Variants in IL12B observed in about 807,000 individuals in gnomAD.
IL12B encodes interleukin-12 subunit beta.
IL12B carries 27 observed loss-of-function variants against 39.2 expected under a neutral mutation model. The observed-to-expected ratio is 0.69, with a 90% CI of 0.51 to 0.95. IL12B has a LOEUF of 0.95. Among genes scored for constraint, IL12B ranks in the 40% least tolerant of loss-of-function variants. IL12B has a pLI of 0.00. For synonymous variants in IL12B, 142 were observed against 152.1 expected (o/e 0.93, Z 0.49); for missense variants, 351 against 397.6 (o/e 0.88, Z 1.00).
At chr5:159,320,818 A>T (rs978956987) in intron 4 of IL12B, among the ~76,000 whole-genome samples, 5 of 152,188 alleles carry the variant, frequency 3.3e-5, no homozygotes, top group Non-Finnish European at 7.3e-5. Flanking sequence ...TCCCATTTTA[A>T]TTATAAAATC....
chr5:159,327,302 C>T (rs140288284), intron 1 of IL12B, among the ~76,000 whole-genome samples: 202 of 152,260 alleles, frequency 1.3e-3, no homozygotes, highest in East Asian at 0.01. Flanking sequence ...AATGCCTCCC[C>T]GCCAGCTGGG....
chr5:159,323,118 C>A lies in IL12B; in HGVS notation c.300G>T (p.Ser100=). The part of the protein sequence containing the change: ...CHKGGEVLSH[S]LLLLHKKEDG... ...CTTCCTTTTTGTGAAGCAGCAGGAG[C>A]GAATGGCTTAGAACCTCGCCTCCTT... is the stretch of plus-strand genomic sequence containing the variant. Residue 100 remains serine, a synonymous_variant, in exon 3 of 8, where the codon TCG becomes TCT. Coordinates refer to ENST00000231228, the MANE Select transcript of IL12B (RefSeq NM_002187.3). 1.2e-6 allele frequency: 2 copies of A among 1,614,092 alleles called. No individual in the cohort carries two copies. Among genetic ancestry groups the A allele is most frequent in the East Asian group, 2.2e-5 (1 of 44,890 alleles).
chr5:159,320,347 T>C lies in IL12B; in HGVS notation c.656A>G (p.Lys219Arg). The C allele has an allele frequency of 1.2e-6, 2 of 1,614,094 alleles. No individual in the cohort carries two copies. The highest frequency in any genetic ancestry group is 1.7e-6 in the Non-Finnish European group (2 of 1,180,002). The change falls in exon 5 of 8, where the codon AAG becomes AGG. Residue 219 changes from lysine to arginine, a missense_variant. By Grantham distance (26) the Lys-to-Arg change is conservative. Transcript: ENST00000231228. ...EVMVDAVHKL[K>R]YENYTSSFFI... ...GAAGCTGCTGGTGTAGTTTTCATACTTGAGCTTGTGAACGGCATCCACCAT... is the reference window on the plus strand; with the variant it reads ...GAAGCTGCTGGTGTAGTTTTCATACCTGAGCTTGTGAACGGCATCCACCAT...
chr5:159,323,046 A>C lies in IL12B; in HGVS notation c.364+8T>G, dbSNP rs770259584. 5 of 1,613,618 alleles carry C rather than the reference A, an allele frequency of 3.1e-6. 1 individual carries two copies. The highest frequency in any genetic ancestry group is 1.7e-6 in the Non-Finnish European group (2 of 1,179,500). On this transcript the variant is annotated splice_region_variant and intron_variant, in intron 3 of 7. Coordinates refer to ENST00000231228, the MANE Select transcript of IL12B (RefSeq NM_002187.3). ...GAAAATTGATACTATCCAAGGGTAT[A>C]GAATTACCTTTCTGGTCCTTTAAAA...
intron 4 of IL12B, among the ~76,000 whole-genome samples, chr5:159,321,005 T>TC (rs937325753): frequency 2.8e-5 from 4 of 142,296 alleles, no homozygotes; most frequent in African/African-American, 7.7e-5. Flanking sequence ...TCTCTCTCTC[T>TC]TTTTTTTTTT....
chr5:159,318,897 TG>T lies in IL12B; in HGVS notation c.698-5del. 2 of 1,613,288 alleles carry T rather than the reference TG, an allele frequency of 1.2e-6. No individual in the cohort carries two copies. Among genetic ancestry groups the T allele is most frequent in the East Asian group, 4.5e-5 (2 of 44,880 alleles). On this transcript the variant is annotated splice_polypyrimidine_tract_variant and splice_region_variant and intron_variant, in intron 5 of 7. Transcript: ENST00000231228. The stretch of plus-strand genomic sequence containing the variant: ...TTCTTGGGTGGGTCAGGTTTGACTG[TG>T]GAAGAGGATAAACATGCTTTATTTT...
chr5:159,316,376 C>T (rs1000512893), intron 7 of IL12B, among the ~76,000 whole-genome samples: 5 of 152,200 alleles, frequency 3.3e-5, no homozygotes, highest in Non-Finnish European at 7.3e-5. Context: ...GATTCTGAGT[C>T]CTGCAAGCTT....
At chr5:159,321,671 A>T (rs3213097) in intron 4 of IL12B, among the ~76,000 whole-genome samples, 40,088 of 151,974 alleles carry the variant, frequency 0.26, 5,829 homozygotes, top group East Asian at 0.47. Flanking sequence ...TTATGTCTTT[A>T]TGCACTTGGA....
At chr5:159,329,447 A>G (rs1331324714) in intron 1 of IL12B, among the ~76,000 whole-genome samples, 1 of 152,086 alleles carries the variant, frequency 6.6e-6, no homozygotes, top group South Asian at 2.1e-4. Context: ...AGGACCCACT[A>G]TTTGCTCCCC....
At chr5:159,318,647 A>G (rs2113024044) in intron 6 of IL12B, 89 bp downstream of exon 6, 1 of 1,172,966 alleles carries the variant, frequency 8.5e-7, no homozygotes. Flanking sequence ...CATGGATGTC[A>G]TTGTTATTAT....
chr5:159,325,247 C>G (rs1754165755), intron 2 of IL12B, among the ~76,000 whole-genome samples: 1 of 152,290 alleles, frequency 6.6e-6, no homozygotes, highest in East Asian at 1.9e-4. Context: ...ATGCCAGGAC[C>G]AAGGTTCCTG....
intron 2 of IL12B, among the ~76,000 whole-genome samples, chr5:159,324,244 C>A (rs762499294): frequency 2.0e-5 from 3 of 152,182 alleles, no homozygotes; most frequent in Non-Finnish European, 2.9e-5. Context: ...AGGGCTACAG[C>A]TCAGACCTTT....
chr5:159,317,646 G>GT (rs1414560634), intron 6 of IL12B, among the ~76,000 whole-genome samples: 1 of 152,254 alleles, frequency 6.6e-6, no homozygotes, highest in Non-Finnish European at 1.5e-5. Flanking sequence ...GAATTCTGCT[G>GT]TAAGGTGAGG....
chr5:159,323,457 C>A lies in IL12B; in HGVS notation c.89-128G>T, dbSNP rs1272340242. On this transcript the variant is annotated intron_variant, in intron 2 of 7. Coordinates refer to ENST00000231228, the MANE Select transcript of IL12B (RefSeq NM_002187.3). ...GTTTACAACAAGTATTTGGCAAATG[C>A]TTGCTGAGATGATCTCAAGGCATGA... 9.2e-6 allele frequency: 8 copies of A among 874,016 alleles called. No homozygotes were observed. The East Asian group carries it at 2.1e-4, about 23-fold the overall frequency. 54.1% of individuals were successfully genotyped at this position (874,016 alleles called of 1,614,324 possible).
chr5:159,319,607 C>T (rs1029004768), intron 5 of IL12B, among the ~76,000 whole-genome samples: 9 of 152,218 alleles, frequency 5.9e-5, no homozygotes, highest in East Asian at 3.9e-4. Context: ...GCAGGTGCTT[C>T]GCACATATGC....
At chr5:159,326,643 A>G in intron 2 of IL12B, 52 bp downstream of exon 2, 1 of 1,291,252 alleles carries the variant, frequency 7.7e-7, no homozygotes, top group Non-Finnish European at 1.1e-6. Context: ...GCTGCCCAAG[A>G]GTCCTGGCTT....
intron 6 of IL12B, 76 bp from the exon 7 acceptor site, chr5:159,316,892 G>A (rs914269376): frequency 6.5e-7 from 1 of 1,530,992 alleles, no homozygotes; most frequent in African/African-American, 1.4e-5. Flanking sequence ...TTTCTGCAAT[G>A]CATACTCTCC....
chr5:159,318,318 T>C (rs1023442031), intron 6 of IL12B, among the ~76,000 whole-genome samples: 3 of 152,240 alleles, frequency 2.0e-5, no homozygotes, highest in African/African-American at 7.2e-5. Flanking sequence ...AGAAAAGTAA[T>C]TATGCATCAC....
chr5:159,315,257 A>G lies in IL12B; in HGVS notation c.*844T>C, dbSNP rs1753969578. On this transcript the variant is annotated 3_prime_UTR_variant, in exon 8 of 8. Coordinates refer to ENST00000231228, the MANE Select transcript of IL12B (RefSeq NM_002187.3). ...ACCTAGGCTGGTATGCAGTGGCACA[A>G]TCACGGCTCACCATAGCCTTGACCT... is the stretch of plus-strand genomic sequence containing the variant. 1 of 152,206 alleles carries G rather than the reference A, an allele frequency of 6.6e-6. No homozygotes were observed. The highest frequency in any genetic ancestry group is 2.4e-5 in the African/African-American group (1 of 41,490). 9.4% of individuals were successfully genotyped at this position (152,206 alleles called of 1,614,324 possible).
Sources: gnomAD v4.1 joint callset for allele counts (sites outside exome capture counted in the v4.1 genomes callset) on GRCh38, gnomAD v4.1.1 for gene constraint, MANE v1.5 for transcripts, NCBI Gene and HGNC (gene_info 2026-07-23, HGNC 2026-07-21) for gene names.